The following IQCM variants were observed in gnomAD, a reference collection of about 807,000 sequenced individuals.
IQCM encodes IQ domain-containing protein M.
In IQCM, 45 loss-of-function variants were observed where a neutral mutation model predicts 57.6. The ratio of observed to expected loss-of-function variants is 0.78; its 90% CI spans 0.62 to 1.00. The LOEUF (loss-of-function observed/expected upper bound fraction) is 1.00, where lower values mean the gene tolerates loss of function less well. Ranked by LOEUF, IQCM falls within the 50% of genes least tolerant of loss-of-function variation. The pLI is 0.00. For synonymous variants in IQCM, 148 were observed against 158.9 expected, an observed-to-expected ratio of 0.93 and a Z score of 0.51; for missense variants, 468 against 511.6, an observed-to-expected ratio of 0.91 and a Z score of 0.82.
intron 13 of IQCM, among the ~76,000 whole-genome samples, chr4:149,362,685 G>T (rs1729575447): frequency 6.6e-6 from 1 of 152,010 alleles, no homozygotes; most frequent in Admixed American, 6.6e-5. Flanking sequence ...CCAGTCTAGG[G>T]TATGTCTTTA....
At chr4:149,647,905 TTA>T (rs1561102618) in intron 7 of IQCM, among the ~76,000 whole-genome samples, 1 of 152,148 alleles carries the variant, frequency 6.6e-6, no homozygotes. Flanking sequence ...TGGCAGTTTT[TTA>T]TAGTGTCATT....
intron 13 of IQCM, among the ~76,000 whole-genome samples, chr4:149,361,637 G>C (rs1411856532): frequency 6.6e-6 from 1 of 152,158 alleles, no homozygotes; most frequent in Non-Finnish European, 1.5e-5. Flanking sequence ...TTGAGCCTGT[G>C]GGTGCACATA....
intron 13 of IQCM, among the ~76,000 whole-genome samples, chr4:149,388,319 A>G (rs987042833): frequency 2.0e-5 from 3 of 151,284 alleles, no homozygotes; most frequent in Non-Finnish European, 4.4e-5. Context: ...AAGTCTTCCA[A>G]TTTCTCCATA....
intron 13 of IQCM, among the ~76,000 whole-genome samples, chr4:149,420,769 T>A (rs1579001723): frequency 6.6e-6 from 1 of 152,086 alleles, no homozygotes; most frequent in Admixed American, 6.6e-5. Context: ...TATATAGTAA[T>A]TATGTTTTGA....
Position 149,815,818 on chromosome 4 carries a change from T to A in IQCM, c.-305A>T, listed in dbSNP as rs543997131. On this transcript the variant is annotated 5_prime_UTR_variant, in exon 1 of 14. Coordinates refer to ENST00000636793, the MANE Select transcript of IQCM (RefSeq NM_001363507.2). ...AAATCCTGCCAATCTTCTGATTGCTTCTTCTCACATATGCCTGTCTTCTTT... is the reference window on the plus strand; with the variant it reads ...AAATCCTGCCAATCTTCTGATTGCTACTTCTCACATATGCCTGTCTTCTTT... 6.6e-6 allele frequency: 1 copy of A among 152,104 alleles called. No homozygotes were observed. Among genetic ancestry groups the A allele is most frequent in the Admixed American group, 6.6e-5 (1 of 15,244 alleles). 9.4% of individuals were successfully genotyped at this position (152,104 alleles called of 1,614,324 possible).
At chr4:149,560,427 A>G (rs1307360486) in intron 10 of IQCM, among the ~76,000 whole-genome samples, 3 of 152,174 alleles carry the variant, frequency 2.0e-5, no homozygotes, top group Non-Finnish European at 4.4e-5. Context: ...AATATATTTA[A>G]TTTAGGATTA....
chr4:149,535,067 G>C (rs967663432), intron 12 of IQCM, among the ~76,000 whole-genome samples: 10 of 152,012 alleles, frequency 6.6e-5, no homozygotes, highest in Non-Finnish European at 1.2e-4. Flanking sequence ...ATTCAGAAAA[G>C]CTAGAAAAAT....
At chr4:149,697,376 C>T (rs1298171909) in intron 5 of IQCM, among the ~76,000 whole-genome samples, 4 of 151,726 alleles carry the variant, frequency 2.6e-5, no homozygotes, top group Admixed American at 2.6e-4. Flanking sequence ...TGCACTTGTA[C>T]CCTAGAACTT....
At chr4:149,431,503 T>C (rs1430218871) in intron 13 of IQCM, among the ~76,000 whole-genome samples, 1 of 152,046 alleles carries the variant, frequency 6.6e-6, no homozygotes, top group Non-Finnish European at 1.5e-5. Flanking sequence ...AACATTTTAC[T>C]TATAGTAAAG....
At chr4:149,570,966 A>G (rs538347114) in intron 9 of IQCM, among the ~76,000 whole-genome samples, 220 of 152,252 alleles carry the variant, frequency 1.4e-3, no homozygotes, top group African/African-American at 5.1e-3. Flanking sequence ...CACACATGTT[A>G]GAATTTACTA....
At chr4:149,468,640 A>C (rs1468516839) in intron 12 of IQCM, among the ~76,000 whole-genome samples, 1 of 152,188 alleles carries the variant, frequency 6.6e-6, no homozygotes, top group Non-Finnish European at 1.5e-5. Context: ...TTCTCCCAGC[A>C]TGGAGTTTCA....
At chr4:149,503,082 G>A (rs1316348037) in intron 12 of IQCM, among the ~76,000 whole-genome samples, 1 of 151,970 alleles carries the variant, frequency 6.6e-6, no homozygotes, top group East Asian at 1.9e-4. Context: ...ATTAGCCAGT[G>A]TGATGGCATG....
At chr4:149,425,545 C>T (rs1252994343) in intron 13 of IQCM, among the ~76,000 whole-genome samples, 5 of 151,956 alleles carry the variant, frequency 3.3e-5, no homozygotes, top group Non-Finnish European at 7.4e-5. Flanking sequence ...AGATGGATGT[C>T]CTAGCTCAAG....
chr4:149,447,171 G>T (rs202093187), intron 12 of IQCM, among the ~76,000 whole-genome samples: 1 of 151,544 alleles, frequency 6.6e-6, no homozygotes, highest in Non-Finnish European at 1.5e-5. Flanking sequence ...AATGAACCAC[G>T]TAAGGTAGGT....
intron 12 of IQCM, among the ~76,000 whole-genome samples, chr4:149,469,362 G>A (rs976223857): frequency 1.6e-4 from 24 of 152,182 alleles, no homozygotes; most frequent in African/African-American, 4.8e-4. Context: ...TCAAGTGGAA[G>A]AAAGGGTATC....
At chr4:149,398,784 G>A (rs1578924161) in intron 13 of IQCM, among the ~76,000 whole-genome samples, 1 of 152,090 alleles carries the variant, frequency 6.6e-6, no homozygotes, top group African/African-American at 2.4e-5. Context: ...ATGGCTCACT[G>A]CAGCCTCAAA....
chr4:149,662,659 C>A (rs1307853438), intron 7 of IQCM, among the ~76,000 whole-genome samples: 5 of 151,690 alleles, frequency 3.3e-5, no homozygotes, highest in African/African-American at 9.7e-5. Flanking sequence ...CATTATATAA[C>A]CTTCTCTGTT....
intron 2 of IQCM, among the ~76,000 whole-genome samples, chr4:149,744,726 C>T (rs1388220602): frequency 6.6e-6 from 1 of 152,028 alleles, no homozygotes; most frequent in African/African-American, 2.4e-5. Flanking sequence ...CTTTAAGTCT[C>T]CAGCAGACAG....
chr4:149,482,161 G>A (rs962981818), intron 12 of IQCM, among the ~76,000 whole-genome samples: 3 of 151,856 alleles, frequency 2.0e-5, no homozygotes, highest in Non-Finnish European at 2.9e-5. Context: ...TTGTTTTTCA[G>A]TTGTAATAGT....
Sources: gnomAD v4.1 joint callset for allele counts (sites outside exome capture counted in the v4.1 genomes callset) on GRCh38, gnomAD v4.1.1 for gene constraint, MANE v1.5 for transcripts, NCBI Gene and HGNC (gene_info 2026-07-23, HGNC 2026-07-21) for gene names.